Variants in LTBP1 observed in about 807,000 individuals in gnomAD.
LTBP1 encodes the protein latent transforming growth factor beta binding protein 1.
LTBP1 carries 129 observed loss-of-function variants against 207.6 expected under a neutral mutation model. The observed-to-expected ratio is 0.62, with a 90% confidence interval of 0.54 to 0.72. The LOEUF (loss-of-function observed/expected upper bound fraction) is 0.72. Ranked by LOEUF, LTBP1 falls within the 30% of genes least tolerant of loss-of-function variation. The pLI is 0.00. For synonymous variants in LTBP1, 963 were observed against 833.7 expected (o/e 1.16, Z -2.67); for missense variants, 2,281 against 2,217.2 (o/e 1.03, Z -0.58).
At chr2:33,361,366 T>C in intron 27 of LTBP1, 63 bp from the exon 28 acceptor site, 1 of 1,103,124 alleles carries the variant, frequency 9.1e-7, no homozygotes, top group Non-Finnish European at 1.3e-6. Context: ...AAAACTGAAT[T>C]TGAAACATGC....
At chr2:33,234,835 CA>C (rs2091963956) in intron 9 of LTBP1, among the ~76,000 whole-genome samples, 1 of 152,134 alleles carries the variant, frequency 6.6e-6, no homozygotes, top group African/African-American at 2.4e-5. Flanking sequence ...TACAAGGCTA[CA>C]GTAACTGTAT....
At chr2:33,297,208 C>G (rs1364011025) in intron 20 of LTBP1, among the ~76,000 whole-genome samples, 3 of 152,068 alleles carry the variant, frequency 2.0e-5, no homozygotes, top group East Asian at 1.9e-4. Context: ...GACCTCTACT[C>G]CGATTCTAAT....
At chr2:33,172,482 A>G (rs2085554714) in intron 5 of LTBP1, among the ~76,000 whole-genome samples, 1 of 152,252 alleles carries the variant, frequency 6.6e-6, no homozygotes, top group Non-Finnish European at 1.5e-5. Flanking sequence ...CACCAAAAAC[A>G]GGAGCACCCA....
intron 24 of LTBP1, among the ~76,000 whole-genome samples, chr2:33,332,238 T>C (rs932334146): frequency 6.6e-6 from 1 of 151,670 alleles, no homozygotes; most frequent in Non-Finnish European, 1.5e-5. Flanking sequence ...TTTCTGATTT[T>C]AAGAGTAACA....
intron 2 of LTBP1, among the ~76,000 whole-genome samples, chr2:32,955,159 C>A (rs1421175067): frequency 1.3e-5 from 2 of 152,180 alleles, no homozygotes; most frequent in Non-Finnish European, 2.9e-5. Flanking sequence ...GAACTCAGTC[C>A]TGGGCAATAT....
At position 33,243,751 on chromosome 2, in the gene LTBP1, T is replaced by A. The variant is rs1485857165; in HGVS notation, c.1966T>A (p.Phe656Ile). The A allele has an allele frequency of 6.2e-7, 1 of 1,614,080 alleles. No individual in the cohort carries two copies. The highest frequency in any genetic ancestry group is 2.2e-5 in the East Asian group (1 of 44,858). The change falls in exon 10 of 34, where the codon TTT becomes ATT. Residue 656 changes from phenylalanine to isoleucine, a missense_variant. By Grantham distance (21) the Phe-to-Ile change is conservative (BLOSUM62 0). Coordinates refer to ENST00000404816, the MANE Select transcript of LTBP1 (RefSeq NM_206943.4). ...CTATCGATGTACCTGCAAAATAGGA[T>A]TTGGGCCGGATCCTACCTTTTCAAG... is the stretch of plus-strand genomic sequence containing the variant. ...GSYRCTCKIG[F>I]GPDPTFSSCV...
At chr2:33,079,986 A>G (rs1318425953) in intron 3 of LTBP1, among the ~76,000 whole-genome samples, 1 of 152,074 alleles carries the variant, frequency 6.6e-6, no homozygotes, top group Non-Finnish European at 1.5e-5. Context: ...AATGTAAATG[A>G]TATTACTGTG....
At chr2:33,133,412 G>A (rs748544654) in intron 4 of LTBP1, among the ~76,000 whole-genome samples, 1 of 152,096 alleles carries the variant, frequency 6.6e-6, no homozygotes, top group Non-Finnish European at 1.5e-5. Context: ...GCTTCTTGAC[G>A]GCCTTAAAGC....
chr2:33,378,621 G>A (rs1173318124), intron 31 of LTBP1, among the ~76,000 whole-genome samples: 3 of 152,322 alleles, frequency 2.0e-5, no homozygotes, highest in East Asian at 3.9e-4. Flanking sequence ...AGCATGAACT[G>A]TGATGAGTCT....
intron 2 of LTBP1, among the ~76,000 whole-genome samples, chr2:32,962,588 A>T (rs1260602033): frequency 6.6e-6 from 1 of 152,222 alleles, no homozygotes; most frequent in African/African-American, 2.4e-5. Context: ...ATCAATGAAT[A>T]CTGAGATTAT....
intron 24 of LTBP1, among the ~76,000 whole-genome samples, chr2:33,317,391 A>T (rs748327234): frequency 6.6e-6 from 1 of 152,226 alleles, no homozygotes; most frequent in Non-Finnish European, 1.5e-5. Context: ...ATTATTATGC[A>T]TGTTATTCTC....
Position 33,280,060 on chromosome 2 carries a change from C to T in LTBP1, c.3014C>T (p.Pro1005Leu). 1.2e-6 allele frequency: 2 copies of T among 1,613,996 alleles called. No individual in the cohort carries two copies. Among genetic ancestry groups the T allele is most frequent in the East Asian group, 2.2e-5 (1 of 44,884 alleles). ...RCEDIDECLN[P>L]STCPDEQCVN... The stretch of plus-strand genomic sequence containing the variant: ...TCAGATATTGATGAATGTTTGAATC[C>T]AAGCACTTGTCCAGATGAGCAGTGT... The change falls in exon 19 of 34, where the codon CCA (proline) becomes CTA (leucine). Residue 1005 changes from proline to leucine, a missense_variant. Around this residue, in one of 3 missense-constraint regions of LTBP1, gnomAD observed 1,671 missense variants for 1,634.8 expected, o/e 1.02. Transcript: ENST00000404816.
intron 24 of LTBP1, among the ~76,000 whole-genome samples, chr2:33,326,347 G>A (rs1324840119): frequency 6.6e-6 from 1 of 152,150 alleles, no homozygotes; most frequent in Non-Finnish European, 1.5e-5. Context: ...TGACATAAAT[G>A]TCCTTTCCAG....
intron 2 of LTBP1, among the ~76,000 whole-genome samples, chr2:33,018,166 A>G (rs1470681602): frequency 6.7e-6 from 1 of 149,952 alleles, no homozygotes; most frequent in Non-Finnish European, 1.5e-5. Context: ...TTTTTTTTTA[A>G]CTTTTATGAC....
chr2:33,048,555 G>T (rs1382212337), intron 3 of LTBP1, among the ~76,000 whole-genome samples: 1 of 152,192 alleles, frequency 6.6e-6, no homozygotes, highest in Non-Finnish European at 1.5e-5. Flanking sequence ...AAGAATAGAT[G>T]TTGTACTTAT....
intron 22 of LTBP1, among the ~76,000 whole-genome samples, chr2:33,307,887 A>G (rs983910185): frequency 6.6e-6 from 1 of 152,222 alleles, no homozygotes; most frequent in African/African-American, 2.4e-5. Context: ...CCCTGTGAAT[A>G]GTACAGAAGC....
intron 9 of LTBP1, among the ~76,000 whole-genome samples, chr2:33,228,100 C>T (rs1009765326): frequency 5.3e-5 from 8 of 152,050 alleles, no homozygotes; most frequent in East Asian, 1.9e-4. Flanking sequence ...CCACCACGCC[C>T]GGCCAAGAAG....
At chr2:33,062,042 C>T (rs766243296) in intron 3 of LTBP1, among the ~76,000 whole-genome samples, 27 of 152,200 alleles carry the variant, frequency 1.8e-4, no homozygotes, top group Non-Finnish European at 3.8e-4. Flanking sequence ...TTTTAATTTG[C>T]ATTTCCCTGA....
At position 33,300,469 on chromosome 2, in the gene LTBP1, A is replaced by C. The variant is rs1393565021; in HGVS notation, c.3254A>C (p.Gln1085Pro). Residue 1085 changes from glutamine to proline, a missense_variant, in exon 21 of 34, where the codon CAA (glutamine) becomes CCA (proline). Gln to Pro is a moderately conservative substitution (Grantham distance 76). Coordinates refer to ENST00000404816, the MANE Select transcript of LTBP1 (RefSeq NM_206943.4). ...TTTGCAGATATTGATGAATGTCAGC[A>C]AGGGAATCTATGTGTAAACGGGCAG... The part of the protein sequence containing the change: ...KHCRDIDECQ[Q>P]GNLCVNGQCK... 29 of 1,613,338 alleles carry C rather than the reference A, an allele frequency of 1.8e-5. No homozygotes were observed. Among genetic ancestry groups the C allele is most frequent in the Non-Finnish European group, 2.5e-5 (29 of 1,179,606 alleles).
Sources: allele counts gnomAD v4.1 joint callset (sites outside exome capture counted in the v4.1 genomes callset), GRCh38; gene constraint gnomAD v4.1.1; regional missense constraint gnomAD v4.1.1; transcripts MANE v1.5; gene names NCBI Gene and HGNC (gene_info 2026-07-23, HGNC 2026-07-21).